Variants in IL1RAPL2 observed in about 807,000 individuals in gnomAD.
The protein encoded by IL1RAPL2 is interleukin 1 receptor accessory protein like 2, also known as X-linked interleukin-1 receptor accessory protein-like 2.
IL1RAPL2 carries 3 observed loss-of-function variants against 44.1 expected under a neutral mutation model. The observed-to-expected ratio is 0.07, with a 90% confidence interval of 0.03 to 0.18. IL1RAPL2 has a LOEUF of 0.18. Among genes scored for constraint, IL1RAPL2 ranks in the 10% least tolerant of loss-of-function variants. The pLI is 1.00. For synonymous variants in IL1RAPL2, 181 were observed against 178.8 expected, an observed-to-expected ratio of 1.01 and a Z score of -0.10; for missense variants, 391 against 496.4, an observed-to-expected ratio of 0.79 and a Z score of 2.02.
chrX:105,172,455 C>A (rs1458537800), intron 2 of IL1RAPL2, among the ~76,000 whole-genome samples: 1 of 111,729 alleles, frequency 9.0e-6, no homozygotes, highest in Admixed American at 9.5e-5. Context: ...GGGAAGACTC[C>A]ACTACCAAGC....
At chrX:104,905,021 T>A (rs926492701) in intron 2 of IL1RAPL2, among the ~76,000 whole-genome samples, 4 of 110,862 alleles carry the variant, frequency 3.6e-5, no homozygotes, top group East Asian at 2.8e-4. Flanking sequence ...GGTATCTCAT[T>A]GTGGTTTTGA....
chrX:105,358,854 T>C (rs2035227338), intron 5 of IL1RAPL2, among the ~76,000 whole-genome samples: 1 of 111,854 alleles, frequency 8.9e-6, no homozygotes, highest in East Asian at 2.8e-4. Context: ...ACTTTGGCTC[T>C]GTAAGGAAGT....
chrX:104,856,868 CATA>C lies in IL1RAPL2; in HGVS notation c.82+197876_82+197878del, dbSNP rs763411364. ...ATGATTTCTGTAATATGCATAAAGACATAATCTGTGATTTAATTTATTCTAATC... is the reference window on the plus strand; with the variant it reads ...ATGATTTCTGTAATATGCATAAAGACATCTGTGATTTAATTTATTCTAATC... On this transcript the variant is annotated intron_variant, in intron 2 of 10. Transcript: ENST00000372582. 2.0e-3 allele frequency among the ~76,000 whole-genome samples: 227 copies of C among 112,488 alleles called. 1 individual carries two copies. Among genetic ancestry groups the C allele is most frequent in the African/African-American group, 6.8e-3 (211 of 31,051 alleles).
At chrX:105,373,479 C>T (rs2035360549) in intron 5 of IL1RAPL2, among the ~76,000 whole-genome samples, 1 of 111,693 alleles carries the variant, frequency 9.0e-6, no homozygotes, top group Non-Finnish European at 1.9e-5. Context: ...TCTGTTTACT[C>T]TGTTGATAGT....
intron 6 of IL1RAPL2, among the ~76,000 whole-genome samples, chrX:105,699,502 T>A (rs1368866757): frequency 8.9e-6 from 1 of 112,039 alleles, no homozygotes; most frequent in East Asian, 2.8e-4. Flanking sequence ...TTATTCTGTG[T>A]CATATGATGT....
At chrX:105,526,765 A>G (rs187399322) in intron 6 of IL1RAPL2, among the ~76,000 whole-genome samples, 1 of 111,880 alleles carries the variant, frequency 8.9e-6, no homozygotes, top group African/African-American at 3.2e-5. Flanking sequence ...GAGTGCGATT[A>G]GACATCTTGG....
At chrX:104,783,725 T>G (rs1025332243) in intron 2 of IL1RAPL2, among the ~76,000 whole-genome samples, 17 of 108,398 alleles carry the variant, frequency 1.6e-4, no homozygotes, top group Non-Finnish European at 9.5e-5. Context: ...TTGACAGCTC[T>G]GTATCTTCAA....
chrX:104,887,583 T>C (rs756151641), intron 2 of IL1RAPL2, among the ~76,000 whole-genome samples: 2 of 111,660 alleles, frequency 1.8e-5, no homozygotes, highest in South Asian at 7.6e-4. Flanking sequence ...AGTTTATGGC[T>C]ATCAGACACC....
At chrX:104,941,176 T>C (rs758985429) in intron 2 of IL1RAPL2, among the ~76,000 whole-genome samples, 39 of 110,936 alleles carry the variant, frequency 3.5e-4, no homozygotes, top group Admixed American at 2.7e-3. Flanking sequence ...TGTGCACGTG[T>C]CTTTATAGCA....
At chrX:104,930,953 A>G (rs1924884021) in intron 2 of IL1RAPL2, among the ~76,000 whole-genome samples, 1 of 111,348 alleles carries the variant, frequency 9.0e-6, no homozygotes, top group South Asian at 3.8e-4. Flanking sequence ...CTCAACCATT[A>G]TGCCATACTG....
At chrX:105,753,070 G>T in intron 9 of IL1RAPL2, 1 of 324,710 alleles carries the variant, frequency 3.1e-6, no homozygotes, top group African/African-American at 2.6e-5. Flanking sequence ...TGTAAGTATA[G>T]AAGTACTTTC....
chrX:105,714,088 C>T (rs1328872885), intron 6 of IL1RAPL2, among the ~76,000 whole-genome samples: 1 of 111,517 alleles, frequency 9.0e-6, no homozygotes, highest in Non-Finnish European at 1.9e-5. Context: ...ACAATTTCAT[C>T]ACCTTCTTTG....
intron 2 of IL1RAPL2, among the ~76,000 whole-genome samples, chrX:105,153,220 A>G (rs912530282): frequency 3.6e-5 from 4 of 112,441 alleles, no homozygotes; most frequent in Admixed American, 2.8e-4. Context: ...CTTGTGAACT[A>G]GATTATGTGC....
At chrX:105,652,476 C>A (rs776731878) in intron 6 of IL1RAPL2, among the ~76,000 whole-genome samples, 5 of 111,745 alleles carry the variant, frequency 4.5e-5, no homozygotes, top group African/African-American at 1.3e-4. Context: ...AATCTTCTTT[C>A]TCTTCATTTT....
chrX:105,475,009 A>G (rs1286473369), intron 5 of IL1RAPL2, among the ~76,000 whole-genome samples: 3 of 111,413 alleles, frequency 2.7e-5, no homozygotes, highest in African/African-American at 6.5e-5. Context: ...CTTTGGACAA[A>G]TAATTTAAAC....
At chrX:105,242,225 A>C (rs368249567) in intron 4 of IL1RAPL2, among the ~76,000 whole-genome samples, 6 of 112,297 alleles carry the variant, frequency 5.3e-5, no homozygotes, top group African/African-American at 1.9e-4. Flanking sequence ...TAGCAAACCT[A>C]ATATCCGACC....
intron 2 of IL1RAPL2, among the ~76,000 whole-genome samples, chrX:105,064,656 G>A (rs763474100): frequency 8.9e-5 from 10 of 112,013 alleles, no homozygotes; most frequent in Non-Finnish European, 1.9e-4. Context: ...TTACAATAAA[G>A]TTAAAGAAAA....
chrX:105,703,114 T>G (rs1419290323), intron 6 of IL1RAPL2, among the ~76,000 whole-genome samples: 2 of 111,748 alleles, frequency 1.8e-5, no homozygotes, highest in Non-Finnish European at 3.8e-5. Flanking sequence ...GAATAAGTTT[T>G]CTTAATCTCA....
chrX:105,460,650 T>C (rs1394119074), intron 5 of IL1RAPL2, among the ~76,000 whole-genome samples: 2 of 111,608 alleles, frequency 1.8e-5, no homozygotes, highest in Non-Finnish European at 3.8e-5. Flanking sequence ...AAATTAAAGG[T>C]CAGGGATCTC....
Sources: gnomAD v4.1 joint callset for allele counts (sites outside exome capture counted in the v4.1 genomes callset) on GRCh38, gnomAD v4.1.1 for gene constraint, MANE v1.5 for transcripts, NCBI Gene and HGNC (gene_info 2026-07-23, HGNC 2026-07-21) for gene names.